The following B3GALT1 variants were observed in gnomAD, a reference collection of about 807,000 sequenced individuals.
B3GALT1 encodes beta-1,3-galactosyltransferase 1.
Under a neutral mutation model 23.2 loss-of-function variants are expected in B3GALT1, and 10 were observed. The ratio of observed to expected loss-of-function variants is 0.43; its 90% CI spans 0.27 to 0.73. B3GALT1 has a LOEUF of 0.73. B3GALT1 is among the 30% of genes least tolerant of loss of function. The pLI, the probability that B3GALT1 is intolerant of heterozygous loss-of-function variation, is 0.21. For synonymous variants in B3GALT1, 156 were observed against 141.5 expected, an observed-to-expected ratio of 1.10 and a Z score of -0.73; for missense variants, 299 against 405.4, an observed-to-expected ratio of 0.74 and a Z score of 2.25.
At chr2:167,364,054 C>A (rs1316032497) in intron 1 of B3GALT1, among the ~76,000 whole-genome samples, 1 of 149,848 alleles carries the variant, frequency 6.7e-6, no homozygotes, top group African/African-American at 2.5e-5. Flanking sequence ...ATCCCAGTTA[C>A]TCGGGAGGAT....
rs1322440839 is a variant in B3GALT1 at position 167,594,417 on chromosome 2, A to G, written c.-409-52492A>G. On this transcript the variant is annotated intron_variant, in intron 2 of 4. Coordinates refer to ENST00000392690, the MANE Select transcript of B3GALT1 (RefSeq NM_020981.4). ...ATCAATTGACTGACTAAAATACTGTATCACCATAGAGGATTACTAAATACA... is the reference window on the plus strand; with the variant it reads ...ATCAATTGACTGACTAAAATACTGTGTCACCATAGAGGATTACTAAATACA... Among the ~76,000 whole-genome samples the G allele has an allele frequency of 3.9e-5, 6 of 152,342 alleles. No homozygotes were observed. The South Asian group carries it at 6.2e-4, about 16-fold the overall frequency.
intron 3 of B3GALT1, among the ~76,000 whole-genome samples, chr2:167,702,715 G>T (rs980029300): frequency 6.6e-6 from 1 of 152,034 alleles, no homozygotes; most frequent in African/African-American, 2.4e-5. Flanking sequence ...ATAATAAAAC[G>T]GAAACAGTGT....
intron 3 of B3GALT1, among the ~76,000 whole-genome samples, chr2:167,699,324 AGTT>A: frequency 6.6e-6 from 1 of 150,556 alleles, no homozygotes. Flanking sequence ...GCCTTAAAGA[AGTT>A]GTTGCAGGAA....
chr2:167,478,697 C>T (rs747059063), intron 1 of B3GALT1, among the ~76,000 whole-genome samples: 1 of 151,888 alleles, frequency 6.6e-6, no homozygotes, highest in Non-Finnish European at 1.5e-5. Flanking sequence ...GGTATATCTC[C>T]TAATGCTATT....
At chr2:167,454,492 G>A (rs1699141525) in intron 1 of B3GALT1, among the ~76,000 whole-genome samples, 1 of 152,154 alleles carries the variant, frequency 6.6e-6, no homozygotes, top group African/African-American at 2.4e-5. Context: ...TGTACAGTAG[G>A]ATAAATACTT....
rs564808489 is a variant in B3GALT1 at position 167,629,042 on chromosome 2, G to C, written c.-409-17867G>C. Among the ~76,000 whole-genome samples the C allele has an allele frequency of 2.6e-5, 4 of 151,710 alleles. No individual in the cohort carries two copies. The East Asian group carries it at 7.8e-4, about 30-fold the overall frequency. Reference sequence around the variant, plus strand: ...AGCCTACCATAAATTGGACATAAGGGAAGTAGAAATAACCTCTCTGAGTTA... The same window carrying C: ...AGCCTACCATAAATTGGACATAAGGCAAGTAGAAATAACCTCTCTGAGTTA... On this transcript the variant is annotated intron_variant, in intron 2 of 4. Transcript: ENST00000392690.
chr2:167,713,864 A>C, intron 3 of B3GALT1: 1 of 1,590,914 alleles, frequency 6.3e-7, no homozygotes, highest in Non-Finnish European at 8.6e-7. Flanking sequence ...CCTTGATAGA[A>C]AATAACCTCG....
intron 2 of B3GALT1, among the ~76,000 whole-genome samples, chr2:167,504,852 C>T (rs982790267): frequency 3.9e-5 from 6 of 152,152 alleles, no homozygotes; most frequent in African/African-American, 1.2e-4. Flanking sequence ...CCTGGATATA[C>T]AGTAGGCTAT....
At chr2:167,440,344 G>GA (rs745706207) in intron 1 of B3GALT1, among the ~76,000 whole-genome samples, 2,103 of 69,630 alleles carry the variant, frequency 0.03, 48 homozygotes, top group African/African-American at 0.066. Context: ...GACTCTGTCT[G>GA]AAAAAAAAAA....
chr2:167,850,946 G>A (rs1215235209), intron 4 of B3GALT1, among the ~76,000 whole-genome samples: 1 of 151,916 alleles, frequency 6.6e-6, no homozygotes, highest in Non-Finnish European at 1.5e-5. Flanking sequence ...AATACCACCT[G>A]TGCCCCAATA....
chr2:167,810,193 C>G (rs1225412541), intron 3 of B3GALT1, among the ~76,000 whole-genome samples: 1 of 150,914 alleles, frequency 6.6e-6, no homozygotes, highest in Admixed American at 6.6e-5. Context: ...ACCGCTTTGA[C>G]TAGGAAAGGG....
chr2:167,356,542 A>G (rs1697415148), intron 1 of B3GALT1, among the ~76,000 whole-genome samples: 1 of 152,140 alleles, frequency 6.6e-6, no homozygotes, highest in Non-Finnish European at 1.5e-5. Context: ...TGGTATATAA[A>G]CAAACACTAC....
intron 2 of B3GALT1, among the ~76,000 whole-genome samples, chr2:167,546,905 C>A (rs1314122785): frequency 6.6e-6 from 1 of 152,162 alleles, no homozygotes; most frequent in Non-Finnish European, 1.5e-5. Context: ...TGAGCCAAAC[C>A]TCCTCAAGGT....
At chr2:167,737,827 T>C (rs533472882) in intron 3 of B3GALT1, among the ~76,000 whole-genome samples, 1 of 152,352 alleles carries the variant, frequency 6.6e-6, no homozygotes, top group South Asian at 2.1e-4. Context: ...AAGCTGATGA[T>C]GGCAGTTGTG....
chr2:167,700,939 C>CTT (rs1352263788), intron 3 of B3GALT1, among the ~76,000 whole-genome samples: 2 of 152,182 alleles, frequency 1.3e-5, no homozygotes, highest in Non-Finnish European at 2.9e-5. Flanking sequence ...ACAGATTGTA[C>CTT]TTTCTCAGAA....
rs1200929199 is a variant in B3GALT1 at position 167,825,296 on chromosome 2, A to AG, written c.-230+6503_-230+6504insG. Among the ~76,000 whole-genome samples, 2 of 149,692 alleles carry AG rather than the reference A, an allele frequency of 1.3e-5. 1 individual carries two copies. The highest frequency in any genetic ancestry group is 4.9e-5 in the African/African-American group (2 of 40,696). Reference sequence around the variant, plus strand: ...AAGACTCCGTCTCAAAAAAAAAAAAAAAACAGAAAAAAGAAAACAAGCAAA... The same window carrying AG: ...AAGACTCCGTCTCAAAAAAAAAAAAAGAAACAGAAAAAAGAAAACAAGCAAA... On this transcript the variant is annotated intron_variant, in intron 4 of 4. Coordinates refer to ENST00000392690, the MANE Select transcript of B3GALT1 (RefSeq NM_020981.4).
chr2:167,792,102 C>T (rs6740435), intron 3 of B3GALT1, among the ~76,000 whole-genome samples: 10,592 of 151,788 alleles, frequency 0.07, 530 homozygotes, highest in African/African-American at 0.13. Flanking sequence ...ACCTCTCTGA[C>T]GGGATCCTGG....
chr2:167,353,621 A>T (rs910358558), intron 1 of B3GALT1, among the ~76,000 whole-genome samples: 12 of 152,170 alleles, frequency 7.9e-5, no homozygotes, highest in African/African-American at 2.2e-4. Flanking sequence ...ATCAGGGATA[A>T]TACTTTTTAT....
intron 2 of B3GALT1, among the ~76,000 whole-genome samples, chr2:167,569,941 T>C (rs1684259672): frequency 6.6e-6 from 1 of 151,996 alleles, no homozygotes; most frequent in Admixed American, 6.6e-5. Context: ...GTGATTTTTC[T>C]CTTTTAGCCT....
Sources: allele counts gnomAD v4.1 joint callset (sites outside exome capture counted in the v4.1 genomes callset), GRCh38; gene constraint gnomAD v4.1.1; transcripts MANE v1.5; gene names NCBI Gene and HGNC (gene_info 2026-07-23, HGNC 2026-07-21).